RASEF: variants seen among roughly 807,000 people sequenced by gnomAD.
RASEF encodes RAS and EF-hand domain containing.
A neutral mutation model predicts 90.1 loss-of-function variants in RASEF; 68 were observed. The ratio of observed to expected loss-of-function variants is 0.75; its 90% confidence interval spans 0.62 to 0.92. The LOEUF (loss-of-function observed/expected upper bound fraction) is 0.92, where lower values mean the gene tolerates loss of function less well. Ranked by LOEUF, RASEF falls within the 40% of genes least tolerant of loss-of-function variation. The pLI, the probability that RASEF is intolerant of heterozygous loss-of-function variation, is 0.00. For missense variants in RASEF, 949 were observed against 937.2 expected, an observed-to-expected ratio of 1.01 and a Z score of -0.16; for synonymous variants, 331 against 345.2, an observed-to-expected ratio of 0.96 and a Z score of 0.46.
chr9:83,114,696 G>T, the RASEF span, among the ~76,000 whole-genome samples: 1 of 152,082 alleles, frequency 6.6e-6, no homozygotes, highest in African/African-American at 2.4e-5. Context: ...AATAAGCCCC[G>T]GTCTCCTGTA....
chr9:83,127,119 C>T, the RASEF span, among the ~76,000 whole-genome samples: 1 of 152,152 alleles, frequency 6.6e-6, no homozygotes, highest in African/African-American at 2.4e-5. Context: ...ATATGGGCAT[C>T]TTTAATGCAG....
At chr9:83,101,073 G>C in the RASEF span, among the ~76,000 whole-genome samples, 1 of 152,076 alleles carries the variant, frequency 6.6e-6, no homozygotes, top group Admixed American at 6.5e-5. Context: ...TTATCACACA[G>C]ATACTAGGAG....
rs375999765 is a variant in RASEF at position 83,012,082 on chromosome 9, A to G, written c.843+352T>C. On this transcript the variant is annotated intron_variant, in intron 5 of 16. Transcript: ENST00000376447. ...GGCGTAAGATGGAAAAGCGACAGAA[A>G]AAAAAAAAACTTGGAGGAAGGGGCA... Among the ~76,000 whole-genome samples, 9 of 152,262 alleles carry G rather than the reference A, an allele frequency of 5.9e-5. No homozygotes were observed. In the East Asian group the frequency reaches 1.4e-3, roughly 23 times the overall value.
chr9:83,186,038 G>A, the RASEF span, among the ~76,000 whole-genome samples: 1 of 152,192 alleles, frequency 6.6e-6, no homozygotes, highest in African/African-American at 2.4e-5. Flanking sequence ...ACTGAGTTGA[G>A]TGTGAAGCTA....
rs1204256917 is a variant in RASEF at position 83,001,018 on chromosome 9, C to T, written c.1315G>A (p.Gly439Ser). 2.5e-6 allele frequency: 4 copies of T among 1,614,082 alleles called. No homozygotes were observed. Among genetic ancestry groups the T allele is most frequent in the South Asian group, 1.1e-5 (1 of 91,076 alleles). The change falls in exon 10 of 17, where the codon GGC becomes AGC. Residue 439 changes from glycine (G) to serine (S), a missense_variant. Gly to Ser is a moderately conservative substitution (Grantham distance 56, BLOSUM62 0). Transcript: ENST00000376447. ...TTGGGATCTCTCAAGGTAGACAAGCCGCTGTCGAAGCAGCTTTCAGGCAGG... is the reference window on the plus strand; with the variant it reads ...TTGGGATCTCTCAAGGTAGACAAGCTGCTGTCGAAGCAGCTTTCAGGCAGG... Reference protein sequence around the residue: ...DSLPESCFDSGLSTLRDPNEY... With the variant: ...DSLPESCFDSSLSTLRDPNEY...
At chr9:83,090,575 T>G in the RASEF span, among the ~76,000 whole-genome samples, 9 of 152,080 alleles carry the variant, frequency 5.9e-5, no homozygotes, top group African/African-American at 2.2e-4. Flanking sequence ...GGCTAATTTT[T>G]GTATTTTTAG....
chr9:83,006,920 C>A (rs1439527242), intron 7 of RASEF, among the ~76,000 whole-genome samples: 3 of 151,800 alleles, frequency 2.0e-5, no homozygotes, highest in Non-Finnish European at 2.9e-5. Context: ...GGTAAAATGC[C>A]GTCTCTACTA....
At chr9:83,125,652 A>G in the RASEF span, among the ~76,000 whole-genome samples, 1 of 152,268 alleles carries the variant, frequency 6.6e-6, no homozygotes, top group South Asian at 2.1e-4. Context: ...GTAAGCAAAC[A>G]TTGTTAATGA....
At chr9:83,006,017 T>G in intron 7 of RASEF, among the ~76,000 whole-genome samples, 1 of 152,200 alleles carries the variant, frequency 6.6e-6, no homozygotes, top group Non-Finnish European at 1.5e-5. Flanking sequence ...TAACTCTTAT[T>G]TCCATATGAC....
chr9:83,015,508 C>T (rs562268941), intron 4 of RASEF, among the ~76,000 whole-genome samples: 10 of 152,142 alleles, frequency 6.6e-5, no homozygotes, highest in African/African-American at 2.2e-4. Flanking sequence ...TGGTGAAACC[C>T]GCCTCTACTA....
chr9:83,122,733 T>C, the RASEF span, among the ~76,000 whole-genome samples: 1 of 152,252 alleles, frequency 6.6e-6, no homozygotes, highest in African/African-American at 2.4e-5. Context: ...CCATTATGTT[T>C]CTTAAACGTT....
the RASEF span, among the ~76,000 whole-genome samples, chr9:83,092,656 T>G: frequency 6.6e-6 from 1 of 152,120 alleles, no homozygotes; most frequent in Non-Finnish European, 1.5e-5. Flanking sequence ...GAACAAAGCT[T>G]CCACTGTGTG....
intron 3 of RASEF, among the ~76,000 whole-genome samples, chr9:83,020,111 T>TA (rs531893688): frequency 0.012 from 1,828 of 151,128 alleles, 40 homozygotes; most frequent in African/African-American, 0.042. Flanking sequence ...CTGTTACAGT[T>TA]AAAAAAAAAT....
At chr9:83,177,598 T>C in the RASEF span, among the ~76,000 whole-genome samples, 1 of 147,750 alleles carries the variant, frequency 6.8e-6, no homozygotes, top group Admixed American at 6.8e-5. Flanking sequence ...TTGGATTATG[T>C]GATGTGTCAT....
At chr9:83,143,095 C>A in the RASEF span, among the ~76,000 whole-genome samples, 1 of 152,152 alleles carries the variant, frequency 6.6e-6, no homozygotes, top group Non-Finnish European at 1.5e-5. Flanking sequence ...GGGCTGAAGT[C>A]ATGATCTGTC....
Position 83,033,440 on chromosome 9 carries a change from G to A in RASEF, c.432-7519C>T, listed in dbSNP as rs557805537. ...GCATAGATGTCAACTAGGCAGAAAG[G>A]GGGTGCAATAGGGGGTGGTCTCTTA... On this transcript the variant is annotated intron_variant, in intron 1 of 16. Transcript: ENST00000376447. Among the ~76,000 whole-genome samples the A allele has an allele frequency of 3.9e-5, 6 of 152,278 alleles. No homozygotes were observed. In the East Asian group the frequency reaches 1.2e-3, roughly 29 times the overall value.
the RASEF span, among the ~76,000 whole-genome samples, chr9:83,191,680 G>A: frequency 1.3e-5 from 2 of 152,114 alleles, no homozygotes; most frequent in South Asian, 4.1e-4. Flanking sequence ...CCTTTACCTT[G>A]ACCATTTTTT....
intron 1 of RASEF, chr9:83,055,367 C>T: frequency 2.1e-6 from 1 of 472,178 alleles, no homozygotes; most frequent in Non-Finnish European, 3.9e-6. Context: ...ACCCCTTGCG[C>T]TTCCCAGGTG....
chr9:83,093,459 G>T, the RASEF span, among the ~76,000 whole-genome samples: 85 of 152,360 alleles, frequency 5.6e-4, no homozygotes, highest in Non-Finnish European at 1.1e-3. Context: ...GGCAGCTAAG[G>T]CCTGGTGAGA....
Sources: allele counts gnomAD v4.1 joint callset (sites outside exome capture counted in the v4.1 genomes callset), GRCh38; gene constraint gnomAD v4.1.1; transcripts MANE v1.5; gene names NCBI Gene and HGNC (gene_info 2026-07-23, HGNC 2026-07-21).